The following GATAD2A variants were observed in gnomAD, a reference collection of about 807,000 sequenced individuals.
The protein encoded by GATAD2A is transcriptional repressor p66-alpha.
In GATAD2A, 12 loss-of-function variants were observed where a neutral mutation model predicts 68.5. The observed-to-expected ratio is 0.18, with a 90% CI of 0.11 to 0.28. The LOEUF is 0.28. Ranked by LOEUF, GATAD2A falls within the 10% of genes least tolerant of loss-of-function variation. The probability of loss-of-function intolerance (pLI) is 1.00; values close to 1 mark genes in which losing one functional copy is unlikely to be tolerated. For synonymous variants in GATAD2A, 410 were observed against 375.3 expected, an observed-to-expected ratio of 1.09 and a Z score of -1.07; for missense variants, 755 against 868.5, an observed-to-expected ratio of 0.87 and a Z score of 1.64.
chr19:19,506,816 A>G lies in GATAD2A; in HGVS notation c.*1342A>G, dbSNP rs1049677295. 1.3e-5 allele frequency: 2 copies of G among 152,156 alleles called. No individual in the cohort carries two copies. The highest frequency in any genetic ancestry group is 2.9e-5 in the Non-Finnish European group (2 of 68,024). The allele number at this position is 152,156 out of a possible 1,614,324, so 9.4% of individuals were successfully genotyped here. On this transcript the variant is annotated 3_prime_UTR_variant, in exon 12 of 12. Coordinates refer to ENST00000683918, the MANE Select transcript of GATAD2A (RefSeq NM_001384528.1). ...GAGGGCGTCCCGTGCCCACGTACAT[A>G]CGTATGTCTCCATGAGTTCTGGGCT... is the stretch of plus-strand genomic sequence containing the variant.
Position 19,465,567 on chromosome 19 carries a change from C to T in GATAD2A, c.222C>T (p.Gly74=), listed in dbSNP as rs781577423. 2.0e-5 allele frequency: 33 copies of T among 1,613,592 alleles called. No homozygotes were observed. Among genetic ancestry groups the T allele is most frequent in the South Asian group, 1.5e-4 (14 of 91,076 alleles). ...TEATAMAMGR[G]EGLVGDGPVD... ...CCACGGCCATGGCCATGGGCAGAGG[C>T]GAAGGGCTGGTGGGCGATGGGCCCG... Residue 74 remains glycine (G), a synonymous_variant, in exon 2 of 12, where the codon GGC becomes GGT. Transcript: ENST00000683918.
chr19:19,396,862 C>T (rs755079321), intron 1 of GATAD2A, among the ~76,000 whole-genome samples: 1 of 152,062 alleles, frequency 6.6e-6, no homozygotes, highest in Admixed American at 6.6e-5. Flanking sequence ...GCGCCTGCCA[C>T]CATGCAGGGC....
At chr19:19,482,300 A>G (rs2059116944) in intron 2 of GATAD2A, among the ~76,000 whole-genome samples, 1 of 152,176 alleles carries the variant, frequency 6.6e-6, no homozygotes, top group Admixed American at 6.5e-5. Flanking sequence ...GTTACTGGAG[A>G]GACTGAGGCC....
rs540884439 is a variant in GATAD2A, at chr19:19,433,431, T to C, written c.-7+27412T>C. On this transcript the variant is annotated intron_variant, in intron 1 of 11. Coordinates refer to ENST00000683918, the MANE Select transcript of GATAD2A (RefSeq NM_001384528.1). ...TTTCGTTATTCTAGGTCCGTTGCAC[T>C]TCCGTGTAGATTTTGGAATCAGTTT... Among the ~76,000 whole-genome samples the C allele has an allele frequency of 4.6e-5, 7 of 152,324 alleles. No homozygotes were observed. In the East Asian group the frequency reaches 1.4e-3, roughly 29 times the overall value.
intron 1 of GATAD2A, among the ~76,000 whole-genome samples, chr19:19,410,028 C>T (rs1418504599): frequency 6.6e-6 from 1 of 152,134 alleles, no homozygotes; most frequent in Non-Finnish European, 1.5e-5. Context: ...GAGAGAGGGG[C>T]CCTCAGTGAG....
chr19:19,394,178 A>G (rs578260171), intron 1 of GATAD2A, among the ~76,000 whole-genome samples: 1 of 152,128 alleles, frequency 6.6e-6, no homozygotes, highest in East Asian at 1.9e-4. Context: ...GTGAGCCACC[A>G]TGCCTGGCCA....
At chr19:19,441,129 G>A (rs994435575) in intron 1 of GATAD2A, among the ~76,000 whole-genome samples, 4 of 149,454 alleles carry the variant, frequency 2.7e-5, no homozygotes, top group Admixed American at 1.3e-4. Flanking sequence ...TGCAACCTCC[G>A]CCTTCACGTT....
At chr19:19,442,771 G>GA (rs11366479) in intron 1 of GATAD2A, among the ~76,000 whole-genome samples, 6,787 of 104,270 alleles carry the variant, frequency 0.065, 210 homozygotes, top group African/African-American at 0.12. Context: ...CCCCCAAGCT[G>GA]AAAAAAAAAA....
At chr19:19,484,530 TTC>T (rs752454811) in intron 2 of GATAD2A, among the ~76,000 whole-genome samples, 1 of 140,028 alleles carries the variant, frequency 7.1e-6, no homozygotes, top group African/African-American at 2.9e-5. Flanking sequence ...TTTTTTTTTT[TTC>T]TTTTTTTTTT....
intron 1 of GATAD2A, among the ~76,000 whole-genome samples, chr19:19,407,648 G>A (rs1365959063): frequency 3.9e-5 from 6 of 152,218 alleles, no homozygotes; most frequent in African/African-American, 1.4e-4. Flanking sequence ...TCTGTTTGCG[G>A]ATGTAGGGGA....
upstream of GATAD2A, among the ~76,000 whole-genome samples, chr19:19,404,393 A>C (rs140668333): frequency 6.6e-6 from 1 of 152,186 alleles, no homozygotes; most frequent in East Asian, 1.9e-4. Flanking sequence ...TAGAAATAAC[A>C]GTACAGGCTG....
chr19:19,443,196 G>T lies in GATAD2A; in HGVS notation c.-6-22144G>T, dbSNP rs182413755. On this transcript the variant is annotated intron_variant, in intron 1 of 11. Coordinates refer to ENST00000683918, the MANE Select transcript of GATAD2A (RefSeq NM_001384528.1). The stretch of plus-strand genomic sequence containing the variant: ...TTATTGCAGTCACCTAGTGAATTGA[G>T]GGGTTCCAGACTGTAAGGTCCAGAC... Among the ~76,000 whole-genome samples the T allele has an allele frequency of 4.2e-4, 64 of 152,300 alleles. 1 individual carries two copies. In the East Asian group the frequency reaches 6.2e-3, roughly 15 times the overall value.
intron 1 of GATAD2A, among the ~76,000 whole-genome samples, chr19:19,461,630 G>A (rs1309808294): frequency 6.6e-6 from 1 of 152,236 alleles, no homozygotes; most frequent in Admixed American, 6.5e-5. Flanking sequence ...AGTGTGGCTG[G>A]AACCTGTCCT....
At chr19:19,499,505 G>A (rs1368350211) in intron 8 of GATAD2A, among the ~76,000 whole-genome samples, 3 of 151,954 alleles carry the variant, frequency 2.0e-5, no homozygotes, top group Admixed American at 2.0e-4. Context: ...GGAGCAGCGG[G>A]GTGGGTGTGT....
At chr19:19,436,971 T>C (rs528773408) in intron 1 of GATAD2A, among the ~76,000 whole-genome samples, 126 of 152,312 alleles carry the variant, frequency 8.3e-4, no homozygotes, top group African/African-American at 2.7e-3. Context: ...ATGTGGCTGC[T>C]CTGCTGACCA....
intron 1 of GATAD2A, among the ~76,000 whole-genome samples, chr19:19,446,152 G>A (rs1254340002): frequency 6.6e-6 from 1 of 152,190 alleles, no homozygotes; most frequent in African/African-American, 2.4e-5. Context: ...GCACTATGCA[G>A]TGTATGAGGG....
At chr19:19,391,318 C>G (rs1429976853) in intron 1 of GATAD2A, among the ~76,000 whole-genome samples, 1 of 151,962 alleles carries the variant, frequency 6.6e-6, no homozygotes, top group Non-Finnish European at 1.5e-5. Context: ...GGAAATATAC[C>G]CTCTCTCTTC....
At chr19:19,494,846 G>T (rs1027262144) in intron 5 of GATAD2A, among the ~76,000 whole-genome samples, 1 of 152,210 alleles carries the variant, frequency 6.6e-6, no homozygotes, top group African/African-American at 2.4e-5. Context: ...CCTGCCGTGG[G>T]CCGGCCAGTG....
rs923180085 is a variant in GATAD2A, at chr19:19,505,959, C to G, written c.*485C>G. On this transcript the variant is annotated 3_prime_UTR_variant, in exon 12 of 12. Transcript: ENST00000683918. ...TCTTTGACTGCCTTCCCATGGCGAT[C>G]TATAAGTTGAAAGATTTTTTTTTTT... The G allele has an allele frequency of 1.2e-4, 49 of 398,544 alleles. No homozygotes were observed. The highest frequency in any genetic ancestry group is 8.7e-4 in the African/African-American group (42 of 48,322). 24.7% of individuals were successfully genotyped at this position (398,544 alleles called of 1,614,324 possible).
Sources: gnomAD v4.1 joint callset for allele counts (sites outside exome capture counted in the v4.1 genomes callset) on GRCh38, gnomAD v4.1.1 for gene constraint, MANE v1.5 for transcripts, NCBI Gene and HGNC (gene_info 2026-07-23, HGNC 2026-07-21) for gene names.